MYO10: variants seen among roughly 807,000 people sequenced by gnomAD.
MYO10 encodes the protein unconventional myosin-X.
A neutral mutation model predicts 257.3 loss-of-function variants in MYO10; 133 were observed. That is an observed-to-expected ratio of 0.52 (90% CI 0.45 to 0.60). The LOEUF is 0.60. MYO10 is among the 20% of genes least tolerant of loss of function. MYO10 has a pLI of 0.00. For missense variants in MYO10, 2,399 were observed against 2,635.7 expected (o/e 0.91, Z 1.97); for synonymous variants, 1,104 against 1,028.6 (o/e 1.07, Z -1.40).
At chr5:16,785,890 C>A (rs28582218) in intron 4 of MYO10, among the ~76,000 whole-genome samples, 15 of 151,484 alleles carry the variant, frequency 9.9e-5, no homozygotes, top group African/African-American at 1.5e-4. Flanking sequence ...TTAAAAAAAA[C>A]AAAAAAACAA....
At chr5:16,854,167 T>C (rs1743894906) in intron 2 of MYO10, 1 of 152,226 alleles carries the variant, frequency 6.6e-6, no homozygotes, top group Admixed American at 6.5e-5. Flanking sequence ...ACTATATTTC[T>C]GATCTTAAGT....
At chr5:16,710,003 T>TC (rs1253999092) in intron 21 of MYO10, among the ~76,000 whole-genome samples, 1 of 152,154 alleles carries the variant, frequency 6.6e-6, no homozygotes, top group East Asian at 1.9e-4. Context: ...GTCTCTCTCT[T>TC]CCCCCGCTTT....
intron 4 of MYO10, among the ~76,000 whole-genome samples, chr5:16,786,846 G>C (rs1467808481): frequency 1.3e-5 from 2 of 148,326 alleles, no homozygotes; most frequent in Non-Finnish European, 3.0e-5. Flanking sequence ...AAACCTGTGG[G>C]TGTAGAACTC....
chr5:16,826,576 T>C (rs1421954252), intron 2 of MYO10, among the ~76,000 whole-genome samples: 2 of 152,220 alleles, frequency 1.3e-5, no homozygotes, highest in African/African-American at 2.4e-5. Flanking sequence ...GAACAGCTCC[T>C]GTGCGGGAGG....
At chr5:16,761,383 G>A in intron 17 of MYO10, 81 bp downstream of exon 17, 1 of 1,114,990 alleles carries the variant, frequency 9.0e-7, no homozygotes, top group Non-Finnish European at 1.4e-6. Context: ...ACAGCAATTT[G>A]TTCTATATTT....
chr5:16,703,451 G>T (rs1738180405), intron 22 of MYO10, among the ~76,000 whole-genome samples: 2 of 152,278 alleles, frequency 1.3e-5, no homozygotes, highest in South Asian at 4.1e-4. Flanking sequence ...TGGGTAAATA[G>T]TTCCCAAAGA....
intron 2 of MYO10, among the ~76,000 whole-genome samples, chr5:16,834,930 C>T (rs544848829): frequency 1.3e-5 from 2 of 152,304 alleles, no homozygotes; most frequent in South Asian, 4.1e-4. Flanking sequence ...AATCCCAACA[C>T]TTTGGGAGGC....
intron 1 of MYO10, among the ~76,000 whole-genome samples, chr5:16,921,499 G>C (rs1016278146): frequency 6.6e-6 from 1 of 152,074 alleles, no homozygotes; most frequent in African/African-American, 2.4e-5. Context: ...AAACCTTATG[G>C]GGAGAGTTTG....
At chr5:16,685,686 C>T in intron 29 of MYO10, 52 bp downstream of exon 29, 1 of 1,249,328 alleles carries the variant, frequency 8.0e-7, no homozygotes, top group Non-Finnish European at 1.1e-6. Flanking sequence ...TGACGCCCTC[C>T]CCGTCCCTGC....
chr5:16,736,080 G>T (rs1478444099), intron 19 of MYO10, among the ~76,000 whole-genome samples: 1 of 152,024 alleles, frequency 6.6e-6, no homozygotes, highest in East Asian at 1.9e-4. Flanking sequence ...CCAGGACAAA[G>T]AACAAAAAAA....
At chr5:16,756,980 G>A (rs942884009) in intron 18 of MYO10, among the ~76,000 whole-genome samples, 2 of 151,876 alleles carry the variant, frequency 1.3e-5, no homozygotes, top group Admixed American at 1.3e-4. Context: ...TTAGCCATGC[G>A]TAATGGCGCA....
chr5:16,851,338 G>A (rs1346142381), intron 2 of MYO10, among the ~76,000 whole-genome samples: 1 of 152,176 alleles, frequency 6.6e-6, no homozygotes, highest in African/African-American at 2.4e-5. Flanking sequence ...TAGTTAGCTT[G>A]GTTTTATACT....
intron 3 of MYO10, among the ~76,000 whole-genome samples, chr5:16,805,178 T>C (rs33401): frequency 0.57 from 87,191 of 151,910 alleles, 24,988 homozygotes; most frequent in South Asian, 0.68. Context: ...GGTAAGAAAT[T>C]CTGGCTGGGT....
At chr5:16,917,813 T>A (rs1175222289) in intron 1 of MYO10, among the ~76,000 whole-genome samples, 1 of 151,690 alleles carries the variant, frequency 6.6e-6, no homozygotes, top group African/African-American at 2.4e-5. Flanking sequence ...AGGTCCGGGG[T>A]ATAGTGAGCT....
chr5:16,854,130 C>CA (rs1743894100), intron 2 of MYO10: 1 of 152,040 alleles, frequency 6.6e-6, no homozygotes, highest in Non-Finnish European at 1.5e-5. Flanking sequence ...TTTCTAACAG[C>CA]ATGTAAGAAT....
chr5:16,742,945 AC>A (rs1361007857), intron 19 of MYO10, among the ~76,000 whole-genome samples: 2 of 151,854 alleles, frequency 1.3e-5, no homozygotes, highest in Non-Finnish European at 2.9e-5. Context: ...GCATGGAGAA[AC>A]CCCATCTCTA....
intron 18 of MYO10, 75 bp downstream of exon 18, chr5:16,758,043 T>G (rs1738475748): frequency 8.9e-7 from 1 of 1,127,400 alleles, no homozygotes; most frequent in African/African-American, 1.5e-5. Context: ...AGACTTCACA[T>G]ACACCCAAAT....
intron 2 of MYO10, among the ~76,000 whole-genome samples, chr5:16,864,120 C>T (rs1744177756): frequency 6.6e-6 from 1 of 151,578 alleles, no homozygotes; most frequent in Non-Finnish European, 1.5e-5. Context: ...AACAAAAACT[C>T]CCACCATGAT....
intron 1 of MYO10, among the ~76,000 whole-genome samples, chr5:16,927,950 C>A (rs1272081489): frequency 6.6e-6 from 1 of 152,076 alleles, no homozygotes; most frequent in East Asian, 1.9e-4. Context: ...GGAAAACGAC[C>A]CAATGTCCTG....
Sources: allele counts gnomAD v4.1 joint callset (sites outside exome capture counted in the v4.1 genomes callset), GRCh38; gene constraint gnomAD v4.1.1; transcripts MANE v1.5; gene names NCBI Gene and HGNC (gene_info 2026-07-23, HGNC 2026-07-21).